Variants in SPATA9 observed in about 807,000 individuals in gnomAD.
The protein encoded by SPATA9 is spermatogenesis associated 9, also known as spermatogenesis-associated protein 9.
In SPATA9, 27 loss-of-function variants were observed where a neutral mutation model predicts 25.5. The observed-to-expected ratio is 1.06, with a 90% CI of 0.78 to 1.46. The LOEUF (loss-of-function observed/expected upper bound fraction) is 1.46. Ranked by LOEUF, SPATA9 falls within the 40% of genes most tolerant of loss-of-function variation. The pLI is 0.00. For synonymous variants in SPATA9, 102 were observed against 105.7 expected, an observed-to-expected ratio of 0.97 and a Z score of 0.21; for missense variants, 282 against 297.5, an observed-to-expected ratio of 0.95 and a Z score of 0.38.
At chr5:95,714,799 T>C in the SPATA9 span, among the ~76,000 whole-genome samples, 3 of 150,304 alleles carry the variant, frequency 2.0e-5, no homozygotes, top group Non-Finnish European at 4.4e-5. Context: ...GATGATGAAA[T>C]AGGAAATGGA....
chr5:95,688,736 G>A (rs922008886), intron 1 of SPATA9, among the ~76,000 whole-genome samples: 1 of 151,956 alleles, frequency 6.6e-6, no homozygotes, highest in Non-Finnish European at 1.5e-5. Context: ...GGTAGAAGGG[G>A]GTGAGGGATG....
chr5:95,669,985 G>T (rs953955624), intron 3 of SPATA9, among the ~76,000 whole-genome samples: 133 of 152,216 alleles, frequency 8.7e-4, no homozygotes, highest in African/African-American at 2.9e-3. Flanking sequence ...AAGTACAAAA[G>T]AACCCTCTTC....
upstream of SPATA9, among the ~76,000 whole-genome samples, chr5:95,687,978 T>C (rs147340833): frequency 3.1e-3 from 469 of 152,266 alleles, 4 homozygotes; most frequent in Non-Finnish European, 4.0e-3. Flanking sequence ...GTAATGTAAA[T>C]TAGTACAACT....
chr5:95,695,291 A>G (rs1753986410), intron 1 of SPATA9, among the ~76,000 whole-genome samples: 1 of 152,190 alleles, frequency 6.6e-6, no homozygotes, highest in African/African-American at 2.4e-5. Flanking sequence ...TAGTTCTCAA[A>G]CTTTTTAGTC....
the SPATA9 span, chr5:95,730,737 T>C: frequency 3.2e-6 from 1 of 312,860 alleles, no homozygotes; most frequent in Non-Finnish European, 6.5e-6. Context: ...TAGCTTGAAA[T>C]AGTAAATAAT....
intron 2 of SPATA9, among the ~76,000 whole-genome samples, chr5:95,681,577 T>G (rs141307998): frequency 5.3e-5 from 8 of 152,310 alleles, no homozygotes; most frequent in Non-Finnish European, 1.2e-4. Flanking sequence ...TCCATTAGAT[T>G]AAGCTCATTA....
chr5:95,683,232 G>A (rs1409572969), upstream of SPATA9, among the ~76,000 whole-genome samples: 23 of 152,096 alleles, frequency 1.5e-4, no homozygotes, highest in Non-Finnish European at 7.4e-5. Context: ...GAAAAAAAAT[G>A]GCATGTGCTT....
At chr5:95,718,390 A>G in the SPATA9 span, among the ~76,000 whole-genome samples, 1 of 152,238 alleles carries the variant, frequency 6.6e-6, no homozygotes, top group South Asian at 2.1e-4. Context: ...TTCTTATTGA[A>G]TTTTGACTGG....
the SPATA9 span, chr5:95,731,710 T>C: frequency 6.2e-7 from 1 of 1,613,190 alleles, no homozygotes; most frequent in Non-Finnish European, 8.5e-7. Context: ...CGTCCTGCCA[T>C]TGTCTCTCTC....
chr5:95,729,846 T>A, the SPATA9 span, among the ~76,000 whole-genome samples: 2 of 152,262 alleles, frequency 1.3e-5, no homozygotes, highest in Non-Finnish European at 2.9e-5. Context: ...TATGAAGGAA[T>A]TTTCTTCTTT....
chr5:95,720,807 A>G, the SPATA9 span, among the ~76,000 whole-genome samples: 3 of 152,226 alleles, frequency 2.0e-5, no homozygotes, highest in Admixed American at 2.0e-4. Flanking sequence ...TTTTGCCAAT[A>G]TGACAAGCAT....
the SPATA9 span, chr5:95,732,027 G>A: frequency 6.2e-7 from 1 of 1,614,202 alleles, no homozygotes; most frequent in South Asian, 1.1e-5. Flanking sequence ...TGTTCACCGA[G>A]TATCAGGCCA....
intron 3 of SPATA9, among the ~76,000 whole-genome samples, chr5:95,670,065 C>G (rs1208540353): frequency 1.3e-5 from 2 of 152,162 alleles, no homozygotes; most frequent in Non-Finnish European, 2.9e-5. Context: ...ATTAGAATCG[C>G]TTTAGGCCAT....
Position 95,658,522 on chromosome 5 carries a change from A to G in SPATA9, c.*101T>C. On this transcript the variant is annotated 3_prime_UTR_variant, in exon 5 of 5. Transcript: ENST00000274432. ...AGCCCCCTTCTCTTTTTTTTAAGAAAGCAGAGCAATTCAGAATATGTAAAC... is the reference window on the plus strand; with the variant it reads ...AGCCCCCTTCTCTTTTTTTTAAGAAGGCAGAGCAATTCAGAATATGTAAAC... 1 of 1,339,640 alleles carries G rather than the reference A, an allele frequency of 7.5e-7. No homozygotes were observed. 83.0% of individuals were successfully genotyped at this position (1,339,640 alleles called of 1,614,324 possible).
rs143425059 is a variant in SPATA9, at chr5:95,658,326, C to A, written c.*297G>T. The A allele has an allele frequency of 5.0e-5, 10 of 199,270 alleles. No individual in the cohort carries two copies. Among genetic ancestry groups the A allele is most frequent in the Middle Eastern group, 2.0e-3 (1 of 488 alleles). The allele number at this position is 199,270 out of a possible 1,614,324, so 12.3% of individuals were successfully genotyped here. A position where few individuals can be genotyped will look rare whatever the true frequency, so the allele number is the denominator to read the frequency against. ...ACTCAAAACAAGTCTTTAATAAAAACATTAATGTATTATAAATATGCTTAT... is the reference window on the plus strand; with the variant it reads ...ACTCAAAACAAGTCTTTAATAAAAAAATTAATGTATTATAAATATGCTTAT... On this transcript the variant is annotated 3_prime_UTR_variant, in exon 5 of 5. Transcript: ENST00000274432.
chr5:95,681,033 A>G lies in SPATA9; in HGVS notation c.150+1495T>C, dbSNP rs180921967. Among the ~76,000 whole-genome samples, 8 of 152,296 alleles carry G rather than the reference A, an allele frequency of 5.3e-5. No homozygotes were observed. The East Asian group carries it at 1.5e-3, about 29-fold the overall frequency. On this transcript the variant is annotated intron_variant, in intron 2 of 4. Transcript: ENST00000274432. ...TCAACCCATTCTATTTCCAATGTTAATGTCCTTGTTCTTAGCTGTCATTTG... is the reference window on the plus strand; with the variant it reads ...TCAACCCATTCTATTTCCAATGTTAGTGTCCTTGTTCTTAGCTGTCATTTG...
intron 2 of SPATA9, among the ~76,000 whole-genome samples, chr5:95,678,313 G>T (rs1033550729): frequency 2.0e-5 from 3 of 152,324 alleles, no homozygotes; most frequent in South Asian, 2.1e-4. Flanking sequence ...GGAGGCAGAG[G>T]TCGCAGTGAG....
the SPATA9 span, among the ~76,000 whole-genome samples, chr5:95,712,350 A>T: frequency 6.6e-6 from 1 of 152,138 alleles, no homozygotes; most frequent in Non-Finnish European, 1.5e-5. Context: ...CTTTAACCTG[A>T]GCCATCTTGT....
intron 1 of SPATA9, among the ~76,000 whole-genome samples, chr5:95,697,850 T>C (rs771427092): frequency 4.7e-5 from 7 of 148,296 alleles, no homozygotes; most frequent in Non-Finnish European, 1.0e-4. Context: ...TCAGTCATTC[T>C]TTCAAGTGAA....
Sources: allele counts gnomAD v4.1 joint callset (sites outside exome capture counted in the v4.1 genomes callset), GRCh38; gene constraint gnomAD v4.1.1; transcripts MANE v1.5; gene names NCBI Gene and HGNC (gene_info 2026-07-23, HGNC 2026-07-21).